XKR6: variants seen among roughly 807,000 people sequenced by gnomAD.
The protein encoded by XKR6 is XK related 6.
XKR6 carries 22 observed loss-of-function variants against 56.7 expected under a neutral mutation model. The observed-to-expected ratio is 0.39, with a 90% confidence interval of 0.28 to 0.55. The LOEUF is 0.55. XKR6 is among the 20% of genes least tolerant of loss of function. The pLI is 0.66. For synonymous variants in XKR6, 524 were observed against 387.8 expected, an observed-to-expected ratio of 1.35 and a Z score of -4.13; for missense variants, 852 against 889.0, an observed-to-expected ratio of 0.96 and a Z score of 0.53.
chr8:10,986,667 A>G (rs1303279982), intron 1 of XKR6, among the ~76,000 whole-genome samples: 1 of 152,250 alleles, frequency 6.6e-6, no homozygotes, highest in African/African-American at 2.4e-5. Flanking sequence ...TTGTTGTTCT[A>G]TCAAATATAT....
chr8:11,080,209 G>A (rs1227613949), intron 1 of XKR6, among the ~76,000 whole-genome samples: 2 of 151,368 alleles, frequency 1.3e-5, no homozygotes, highest in Non-Finnish European at 2.9e-5. Context: ...TGCCTTAAGA[G>A]AAAACCCTGG....
intron 1 of XKR6, among the ~76,000 whole-genome samples, chr8:11,130,706 T>G (rs1800063140): frequency 6.6e-6 from 1 of 151,840 alleles, no homozygotes; most frequent in Non-Finnish European, 1.5e-5. Context: ...GTACAGATTG[T>G]GTATCTTCCA....
At chr8:11,182,416 G>A (rs906391469) in intron 1 of XKR6, among the ~76,000 whole-genome samples, 8 of 152,206 alleles carry the variant, frequency 5.3e-5, no homozygotes, top group African/African-American at 1.7e-4. Flanking sequence ...CTTTGTACCT[G>A]GTCATGGTCA....
intron 1 of XKR6, among the ~76,000 whole-genome samples, chr8:11,161,278 C>A (rs1365647263): frequency 6.6e-6 from 1 of 152,140 alleles, no homozygotes; most frequent in African/African-American, 2.4e-5. Context: ...ATCTTGCCAC[C>A]ACCAGTACCT....
At chr8:11,113,006 T>C (rs1418890618) in intron 1 of XKR6, among the ~76,000 whole-genome samples, 3 of 152,164 alleles carry the variant, frequency 2.0e-5, no homozygotes, top group African/African-American at 7.2e-5. Context: ...AAAATAAAGA[T>C]GACTTTTAAA....
At chr8:11,072,513 G>A (rs537535601) in intron 1 of XKR6, among the ~76,000 whole-genome samples, 1 of 152,180 alleles carries the variant, frequency 6.6e-6, no homozygotes, top group African/African-American at 2.4e-5. Flanking sequence ...CTTACAGAAA[G>A]TTATGAGACT....
intron 2 of XKR6, among the ~76,000 whole-genome samples, chr8:10,917,521 C>G (rs1333639860): frequency 1.3e-5 from 2 of 152,212 alleles, no homozygotes; most frequent in Non-Finnish European, 2.9e-5. Flanking sequence ...GTCTACATGG[C>G]ACCAGCTGGC....
At chr8:10,919,217 T>A (rs1023647658) in intron 2 of XKR6, among the ~76,000 whole-genome samples, 1 of 152,196 alleles carries the variant, frequency 6.6e-6, no homozygotes, top group African/African-American at 2.4e-5. Flanking sequence ...TGCAAGCTAC[T>A]CCCATTGCCC....
intron 1 of XKR6, among the ~76,000 whole-genome samples, chr8:11,164,464 G>T (rs1336668852): frequency 6.6e-6 from 1 of 152,062 alleles, no homozygotes; most frequent in Admixed American, 6.5e-5. Context: ...TTCCTGTGGG[G>T]AAAATAAAAG....
At chr8:10,988,219 T>G (rs1168717713) in intron 1 of XKR6, among the ~76,000 whole-genome samples, 2 of 152,170 alleles carry the variant, frequency 1.3e-5, no homozygotes, top group African/African-American at 4.8e-5. Flanking sequence ...CCTTCTAGAA[T>G]GTAAGCTCCA....
chr8:11,099,180 C>T (rs933518033), intron 1 of XKR6, among the ~76,000 whole-genome samples: 3 of 152,176 alleles, frequency 2.0e-5, no homozygotes, highest in African/African-American at 7.2e-5. Context: ...CTCCTTTCTT[C>T]AGATCTCTTC....
chr8:11,123,324 C>A (rs1799550298), intron 1 of XKR6: 1 of 151,602 alleles, frequency 6.6e-6, no homozygotes, highest in Non-Finnish European at 1.5e-5. Context: ...AAGTTGCCAA[C>A]AACAATCTGG....
intron 1 of XKR6, among the ~76,000 whole-genome samples, chr8:11,189,714 T>C (rs1683515219): frequency 6.6e-6 from 1 of 152,218 alleles, no homozygotes; most frequent in African/African-American, 2.4e-5. Flanking sequence ...TCCCTGTCTG[T>C]GTACTGCTTA....
At chr8:11,002,065 T>TAAA (rs541621602) in intron 1 of XKR6, among the ~76,000 whole-genome samples, 5 of 127,076 alleles carry the variant, frequency 3.9e-5, no homozygotes, top group African/African-American at 1.2e-4. Flanking sequence ...CCATGTGAGT[T>TAAA]AAAAAAAAAA....
chr8:11,137,052 G>C (rs1211396171), intron 1 of XKR6: 1 of 153,148 alleles, frequency 6.5e-6, no homozygotes, highest in African/African-American at 2.4e-5. Flanking sequence ...GCTTACAGTA[G>C]ACTACAAATG....
chr8:10,928,367 G>C (rs1442471984), intron 1 of XKR6, among the ~76,000 whole-genome samples: 3 of 152,202 alleles, frequency 2.0e-5, no homozygotes, highest in Non-Finnish European at 4.4e-5. Context: ...GCTTTACCTG[G>C]TGTCTGTCTC....
chr8:10,947,265 G>T (rs892480753), intron 1 of XKR6, among the ~76,000 whole-genome samples: 3 of 152,194 alleles, frequency 2.0e-5, no homozygotes, highest in Non-Finnish European at 4.4e-5. Flanking sequence ...CCAGAAGAAT[G>T]GTGTTGCCAT....
At position 11,201,490 on chromosome 8, in the gene XKR6, A is replaced by G. The variant is rs922990350; in HGVS notation, c.-151T>C. 5 of 566,094 alleles carry G rather than the reference A, an allele frequency of 8.8e-6. No individual in the cohort carries two copies. The South Asian group carries it at 1.1e-4, about 12-fold the overall frequency. The allele number at this position is 566,094 out of a possible 1,614,324, so 35.1% of individuals were successfully genotyped here. A position where few individuals can be genotyped will look rare whatever the true frequency, so the allele number is the denominator to read the frequency against. ...CAAACGAACGAGGGGGGAGTGGGCC[A>G]GGGAACCCCCTCCGCTTCCGGGTAG... is the stretch of plus-strand genomic sequence containing the variant. On this transcript the variant is annotated 5_prime_UTR_variant, in exon 1 of 3. Coordinates refer to ENST00000416569, the MANE Select transcript of XKR6 (RefSeq NM_173683.4).
Position 11,120,626 on chromosome 8 carries a change from G to C in XKR6, c.764+79950C>G, listed in dbSNP as rs1352213123. The stretch of plus-strand genomic sequence containing the variant: ...GCCATACTGCCCAAGGTAATTTATA[G>C]ATTCAATGCCATCCCCATCAAGCTA... On this transcript the variant is annotated intron_variant, in intron 1 of 2. Transcript: ENST00000416569. Among the ~76,000 whole-genome samples the C allele has an allele frequency of 7.9e-5, 12 of 152,226 alleles. No individual in the cohort carries two copies. The East Asian group carries it at 2.1e-3, about 27-fold the overall frequency.
Sources: gnomAD v4.1 joint callset for allele counts (sites outside exome capture counted in the v4.1 genomes callset) on GRCh38, gnomAD v4.1.1 for gene constraint, MANE v1.5 for transcripts, NCBI Gene and HGNC (gene_info 2026-07-23, HGNC 2026-07-21) for gene names.